GIGYF2: variants seen among roughly 807,000 people sequenced by gnomAD.
The protein encoded by GIGYF2 is GRB10 interacting GYF protein 2, also known as GRB10-interacting GYF protein 2.
GIGYF2 carries 25 observed loss-of-function variants against 208.1 expected under a neutral mutation model. The ratio of observed to expected loss-of-function variants is 0.12; its 90% CI spans 0.09 to 0.17. The LOEUF (loss-of-function observed/expected upper bound fraction) is 0.17. Among genes scored for constraint, GIGYF2 ranks in the 10% least tolerant of loss-of-function variants. The pLI is 1.00. For missense variants in GIGYF2, 1,302 were observed against 1,579.4 expected (o/e 0.82, Z 2.98); for synonymous variants, 534 against 543.8 (o/e 0.98, Z 0.25).
Position 232,790,881 on chromosome 2 carries a change from C to T in GIGYF2, c.896C>T (p.Thr299Ile). Residue 299 changes from threonine (T) to isoleucine (I), a missense_variant, in exon 10 of 29, where the codon ACA (threonine) becomes ATA (isoleucine). Transcript: ENST00000373563. ...GAGGATGCTGAAGAAGAAATGGGTA[C>T]ATTTGACTCATCTGGAGCATTCCTT... Reference protein sequence around the residue: ...CLEDAEEEMGTFDSSGAFLSL... With the variant: ...CLEDAEEEMGIFDSSGAFLSL... 1 of 1,614,068 alleles carries T rather than the reference C, an allele frequency of 6.2e-7. No homozygotes were observed. Among genetic ancestry groups the T allele is most frequent in the Non-Finnish European group, 8.5e-7 (1 of 1,179,954 alleles).
chr2:232,773,266 A>G (rs918006576), intron 8 of GIGYF2, among the ~76,000 whole-genome samples: 3 of 152,200 alleles, frequency 2.0e-5, no homozygotes, highest in African/African-American at 4.8e-5. Context: ...TTTGGAAACA[A>G]CAAAATCTTC....
At chr2:232,843,548 G>C (rs1009790493) in intron 23 of GIGYF2, among the ~76,000 whole-genome samples, 2 of 144,770 alleles carry the variant, frequency 1.4e-5, no homozygotes, top group Admixed American at 1.4e-4. Context: ...GGGCGACAGA[G>C]CGAGACCCTG....
Position 232,836,301 on chromosome 2 carries a change from TATATA to T in GIGYF2, c.2766+3209_2766+3213del, listed in dbSNP as rs1701609055. Among the ~76,000 whole-genome samples, 2 of 16,980 alleles carry T rather than the reference TATATA, an allele frequency of 1.2e-4. 1 individual carries two copies. The highest frequency in any genetic ancestry group is 4.0e-4 in the African/African-American group (2 of 5,012). 11.1% of individuals were successfully genotyped at this position (16,980 alleles called of 152,430 possible). On this transcript the variant is annotated intron_variant, in intron 22 of 28. Coordinates refer to ENST00000373563, the MANE Select transcript of GIGYF2 (RefSeq NM_001103146.3). ...ATATATATATATATATATATATATA[TATATA>T]TATATATATATATATATATATATAC...
Position 232,770,932 on chromosome 2 carries a change from A to G in GIGYF2, c.532+9496A>G, listed in dbSNP as rs1361858388. ...GATAAAAGCCTCTAGCATGAGGCCT[A>G]GGAGCATTTGTATGGCAAGTAAGGC... On this transcript the variant is annotated intron_variant, in intron 8 of 28. Coordinates refer to ENST00000373563, the MANE Select transcript of GIGYF2 (RefSeq NM_001103146.3). 1.2e-6 allele frequency: 2 copies of G among 1,613,868 alleles called. No individual in the cohort carries two copies. The highest frequency in any genetic ancestry group is 1.7e-5 in the Admixed American group (1 of 59,998).
intron 2 of GIGYF2, among the ~76,000 whole-genome samples, chr2:232,713,307 A>T (rs1028160159): frequency 1.1e-4 from 16 of 152,142 alleles, no homozygotes; most frequent in African/African-American, 3.9e-4. Flanking sequence ...TGAACTCCTG[A>T]CCTCAAGTGA....
intron 17 of GIGYF2, among the ~76,000 whole-genome samples, chr2:232,812,086 T>A (rs1353444072): frequency 6.6e-6 from 1 of 152,218 alleles, no homozygotes; most frequent in South Asian, 2.1e-4. Context: ...CTGGGTTTTT[T>A]AAGATACGGA....
At chr2:232,770,785 T>A in intron 8 of GIGYF2, 1 of 722,770 alleles carries the variant, frequency 1.4e-6, no homozygotes, top group Non-Finnish European at 2.3e-6. Context: ...GCTATCAATA[T>A]AGATAAATTA....
chr2:232,699,485 A>G lies in GIGYF2; in HGVS notation c.-110+2093A>G, dbSNP rs115281180. On this transcript the variant is annotated intron_variant, in intron 1 of 28. Transcript: ENST00000373563. ...TTTGGGCCAGCAGCCAGCCTCCCCAACCCCCTTAACTCCCATCCCCATCCG... is the reference window on the plus strand; with the variant it reads ...TTTGGGCCAGCAGCCAGCCTCCCCAGCCCCCTTAACTCCCATCCCCATCCG... Among the ~76,000 whole-genome samples the G allele has an allele frequency of 5.2e-3, 789 of 152,120 alleles. 4 individuals carry two copies. Among genetic ancestry groups the G allele is most frequent in the African/African-American group, 0.018 (764 of 41,472 alleles).
At position 232,819,919 on chromosome 2, in the gene GIGYF2, A is replaced by G; in HGVS notation, c.2463A>G (p.Arg821=). Residue 821 remains arginine, a synonymous_variant, in exon 21 of 29, where the codon AGA becomes AGG. Coordinates refer to ENST00000373563, the MANE Select transcript of GIGYF2 (RefSeq NM_001103146.3). ...EERQQQEEAL[R]RLEERRREEE... is the part of the protein sequence containing the mutation. The stretch of plus-strand genomic sequence containing the variant: ...GACAGCAGCAAGAAGAAGCTCTTAG[A>G]AGACTGGAAGAGAGGAGAAGAGAAG... 6.3e-7 allele frequency: 1 copy of G among 1,579,676 alleles called. No individual in the cohort carries two copies. Among genetic ancestry groups the G allele is most frequent in the Non-Finnish European group, 8.7e-7 (1 of 1,148,770 alleles).
Position 232,858,441 on chromosome 2 carries a change from A to G in GIGYF2, c.*1581A>G, listed in dbSNP as rs1397105772. The G allele has an allele frequency of 2.2e-6, 1 of 450,612 alleles. No homozygotes were observed. The highest frequency in any genetic ancestry group is 2.5e-5 in the Admixed American group (1 of 40,326). 27.9% of individuals were successfully genotyped at this position (450,612 alleles called of 1,614,324 possible). On this transcript the variant is annotated 3_prime_UTR_variant, in exon 29 of 29. Transcript: ENST00000373563. The stretch of plus-strand genomic sequence containing the variant: ...AAAATTGTATATAGTTTTTGGATCA[A>G]ATAGCATGAGGGGAGAGGAAACCAT...
intron 6 of GIGYF2, among the ~76,000 whole-genome samples, chr2:232,758,431 G>A (rs1421684310): frequency 2.0e-5 from 3 of 152,182 alleles, no homozygotes; most frequent in Admixed American, 1.3e-4. Flanking sequence ...ATTATTAAAA[G>A]GAAGTATGTT....
At chr2:232,749,639 AT>A (rs1698267404) in intron 5 of GIGYF2, among the ~76,000 whole-genome samples, 1 of 152,118 alleles carries the variant, frequency 6.6e-6, no homozygotes, top group Non-Finnish European at 1.5e-5. Context: ...AGAGTTTCTG[AT>A]TTCAAGGAAC....
At position 232,720,890 on chromosome 2, in the gene GIGYF2, C is replaced by G. The variant is rs935672082; in HGVS notation, c.-43-14265C>G. On this transcript the variant is annotated intron_variant, in intron 2 of 28. Transcript: ENST00000373563. ...GATTACAGGCATGAGCCACCGTGCC[C>G]TGCCTCTCTCAGCTGTTTTTAAGTC... is the stretch of plus-strand genomic sequence containing the variant. Among the ~76,000 whole-genome samples, 4 of 152,244 alleles carry G rather than the reference C, an allele frequency of 2.6e-5. No individual in the cohort carries two copies. In the East Asian group the frequency reaches 7.7e-4, roughly 29 times the overall value.
At position 232,845,736 on chromosome 2, in the gene GIGYF2, T is replaced by G. The variant is rs781400328; in HGVS notation, c.3310T>G (p.Ser1104Ala). ...CACCCTATTGTTTTGCTTTAGTAAATCTGTAGGTGTGTCTAACCGGCAGAA... is the reference window on the plus strand; with the variant it reads ...CACCCTATTGTTTTGCTTTAGTAAAGCTGTAGGTGTGTCTAACCGGCAGAA... ...KNKNNASLSK[S>A]VGVSNRQNKK... Residue 1104 changes from serine to alanine, a missense_variant, in exon 26 of 29, where the codon TCT becomes GCT. Ser to Ala is a moderately conservative substitution (Grantham distance 99, BLOSUM62 1). Transcript: ENST00000373563. 1 of 1,599,476 alleles carries G rather than the reference T, an allele frequency of 6.3e-7. No individual in the cohort carries two copies. The highest frequency in any genetic ancestry group is 1.1e-5 in the South Asian group (1 of 90,784).
intron 21 of GIGYF2, 100 bp downstream of exon 21, chr2:232,820,085 A>G: frequency 2.2e-6 from 3 of 1,347,820 alleles, no homozygotes; most frequent in East Asian, 2.5e-5. Context: ...AAATTTTTTC[A>G]GGTTGCTAAA....
At chr2:232,721,905 C>T (rs1008589741) in intron 2 of GIGYF2, among the ~76,000 whole-genome samples, 1 of 152,182 alleles carries the variant, frequency 6.6e-6, no homozygotes. Flanking sequence ...TCTAGTTCTA[C>T]TAGTGCTTTC....
chr2:232,804,734 C>G (rs1700508412), intron 14 of GIGYF2, among the ~76,000 whole-genome samples: 1 of 152,180 alleles, frequency 6.6e-6, no homozygotes, highest in Non-Finnish European at 1.5e-5. Context: ...CTCAGGTGAT[C>G]TACCCACCTT....
intron 8 of GIGYF2, among the ~76,000 whole-genome samples, chr2:232,775,048 G>T (rs777806047): frequency 6.6e-6 from 1 of 151,806 alleles, no homozygotes; most frequent in Non-Finnish European, 1.5e-5. Flanking sequence ...GCTGATAATC[G>T]GAACAGTTAA....
intron 2 of GIGYF2, among the ~76,000 whole-genome samples, chr2:232,721,211 T>C (rs1696929182): frequency 1.3e-5 from 2 of 152,216 alleles, no homozygotes; most frequent in African/African-American, 4.8e-5. Context: ...ACCTGCCAAT[T>C]CCACTATGCC....
Sources: allele counts gnomAD v4.1 joint callset (sites outside exome capture counted in the v4.1 genomes callset), GRCh38; gene constraint gnomAD v4.1.1; transcripts MANE v1.5; gene names NCBI Gene and HGNC (gene_info 2026-07-23, HGNC 2026-07-21).